Variants in TF observed in about 807,000 individuals in gnomAD.
TF encodes transferrin, also known as serotransferrin.
In TF, 55 loss-of-function variants were observed where a neutral mutation model predicts 82.4. The observed-to-expected ratio is 0.67, with a 90% CI of 0.54 to 0.84. The LOEUF is 0.84. Ranked by LOEUF, TF falls within the 40% of genes least tolerant of loss-of-function variation. TF has a pLI of 0.00. For missense variants in TF, 737 were observed against 868.4 expected (o/e 0.85, Z 1.90); for synonymous variants, 332 against 332.6 (o/e 1.00, Z 0.02).
At chr3:133,703,317 G>T in the TF span, among the ~76,000 whole-genome samples, 1 of 152,118 alleles carries the variant, frequency 6.6e-6, no homozygotes, top group Non-Finnish European at 1.5e-5. Flanking sequence ...CCAACTTATG[G>T]ATGAAAACAT....
At chr3:133,682,601 G>C in the TF span, among the ~76,000 whole-genome samples, 3 of 152,200 alleles carry the variant, frequency 2.0e-5, no homozygotes, top group Admixed American at 1.3e-4. Flanking sequence ...GTGGAAGAAA[G>C]AGTATCAGTG....
the TF span, among the ~76,000 whole-genome samples, chr3:133,674,793 A>G: frequency 2.0e-5 from 3 of 152,156 alleles, no homozygotes; most frequent in African/African-American, 7.2e-5. Flanking sequence ...CACCCCTGAA[A>G]GTGCTTTCTC....
chr3:133,753,851 C>T (rs1933744761), intron 3 of TF, 148 bp downstream of exon 3: 2 of 735,580 alleles, frequency 2.7e-6, no homozygotes, highest in African/African-American at 1.7e-5. Flanking sequence ...TGTCAGCTGC[C>T]ACAGCCACAC....
chr3:133,746,384 G>C, upstream of TF: 4 of 1,558,540 alleles, frequency 2.6e-6, no homozygotes. Context: ...GCGGGGCGCC[G>C]GAGGCTGCAC....
intron 11 of TF, among the ~76,000 whole-genome samples, chr3:133,765,194 T>C (rs1934097734): frequency 6.6e-6 from 1 of 152,176 alleles, no homozygotes; most frequent in South Asian, 2.1e-4. Flanking sequence ...CGTCTAGGAT[T>C]ATACATCTAG....
chr3:133,706,334 C>T, the TF span, among the ~76,000 whole-genome samples: 4 of 152,166 alleles, frequency 2.6e-5, no homozygotes, highest in African/African-American at 9.7e-5. Context: ...AGCTTGATGG[C>T]AGGGGAGTTG....
chr3:133,774,000 A>G (rs1054121852), intron 14 of TF: 1 of 152,222 alleles, frequency 6.6e-6, no homozygotes, highest in African/African-American at 2.4e-5. Flanking sequence ...ATAAGAGACA[A>G]CTGAAATCTT....
chr3:133,744,672 G>A (rs8177180), upstream of TF, among the ~76,000 whole-genome samples: 1,192 of 152,328 alleles, frequency 7.8e-3, 18 homozygotes, highest in African/African-American at 0.028. Context: ...TCGCTGGTGA[G>A]GCTGATGTGT....
chr3:133,755,329 C>G (rs758372109), intron 4 of TF, 34 bp from the exon 5 acceptor site: 2 of 1,614,000 alleles, frequency 1.2e-6, no homozygotes, highest in Non-Finnish European at 1.7e-6. Context: ...CAGCCTCACT[C>G]ATGCTCTGTT....
chr3:133,757,921 C>A lies in TF; in HGVS notation c.1023C>A (p.Ala341=). The change falls in exon 8 of 17, where the codon GCC becomes GCA. Residue 341 remains alanine, a synonymous_variant. Transcript: ENST00000402696. ...KMYLGYEYVT[A]IRNLREGTCP... ...ACCTGGGCTATGAGTATGTCACTGC[C>A]ATCCGGAATCTACGGGAAGGCACAT... The A allele has an allele frequency of 6.2e-7, 1 of 1,614,188 alleles. No homozygotes were observed. Among genetic ancestry groups the A allele is most frequent in the Non-Finnish European group, 8.5e-7 (1 of 1,180,024 alleles).
intron 2 of TF, among the ~76,000 whole-genome samples, chr3:133,751,181 A>G (rs8177203): frequency 0.069 from 10,493 of 152,052 alleles, 498 homozygotes; most frequent in East Asian, 0.25. Context: ...CCTTGAAAAC[A>G]TAAGTGAAGC....
chr3:133,698,295 T>C, the TF span, among the ~76,000 whole-genome samples: 2 of 152,252 alleles, frequency 1.3e-5, no homozygotes, highest in Admixed American at 6.5e-5. Context: ...CTTTGTTCAA[T>C]GTGCCAAGAA....
At chr3:133,674,959 G>A in the TF span, among the ~76,000 whole-genome samples, 2 of 152,064 alleles carry the variant, frequency 1.3e-5, no homozygotes, top group South Asian at 4.1e-4. Context: ...TGGTTGAAAG[G>A]GAAAGGCCAG....
the TF span, among the ~76,000 whole-genome samples, chr3:133,710,860 A>T: frequency 2.0e-5 from 3 of 152,116 alleles, no homozygotes; most frequent in Admixed American, 6.5e-5. Context: ...CAGAGTGATC[A>T]AAGTGTTGTT....
chr3:133,751,763 G>A (rs758073861), intron 2 of TF, among the ~76,000 whole-genome samples: 9 of 151,960 alleles, frequency 5.9e-5, no homozygotes, highest in Admixed American at 3.9e-4. Context: ...AGGCCGAGGC[G>A]GGTGGATCAC....
chr3:133,774,923 A>G, intron 14 of TF: 1 of 377,966 alleles, frequency 2.6e-6, no homozygotes, highest in Non-Finnish European at 5.1e-6. Flanking sequence ...GATGGGATAC[A>G]GACCTGTATC....
intron 14 of TF, among the ~76,000 whole-genome samples, chr3:133,771,743 CAA>C (rs71136494): frequency 0.35 from 19,421 of 55,156 alleles, 968 homozygotes; most frequent in South Asian, 0.44. Flanking sequence ...GACTCCGTCT[CAA>C]AAAAAAAAAA....
At chr3:133,723,193 T>G in the TF span, among the ~76,000 whole-genome samples, 1 of 152,220 alleles carries the variant, frequency 6.6e-6, no homozygotes. Flanking sequence ...TCTTCTCTTG[T>G]GGCTTTTAGA....
chr3:133,719,504 G>A, the TF span, among the ~76,000 whole-genome samples: 2 of 152,094 alleles, frequency 1.3e-5, no homozygotes, highest in African/African-American at 4.8e-5. Context: ...TCCTTGTGGT[G>A]TCTCCCTCCC....
Sources: allele counts gnomAD v4.1 joint callset (sites outside exome capture counted in the v4.1 genomes callset), GRCh38; gene constraint gnomAD v4.1.1; transcripts MANE v1.5; gene names NCBI Gene and HGNC (gene_info 2026-07-23, HGNC 2026-07-21).